MUC15: variants seen among roughly 807,000 people sequenced by gnomAD.
MUC15 encodes the protein mucin-15.
MUC15 carries 23 observed loss-of-function variants against 24.0 expected under a neutral mutation model. That is an observed-to-expected ratio of 0.96 (90% CI 0.69 to 1.36). MUC15 has a LOEUF of 1.36. Among genes scored for constraint, MUC15 ranks in the 40% most tolerant of loss-of-function variants. The pLI is 0.00. For synonymous variants in MUC15, 151 were observed against 156.3 expected (o/e 0.97, Z 0.25); for missense variants, 442 against 428.2 (o/e 1.03, Z -0.29).
chr11:26,559,825 G>A lies in MUC15; in HGVS notation c.*1240C>T, dbSNP rs1173121605. The stretch of plus-strand genomic sequence containing the variant: ...TTTCTATCCCTTATTTTCTGAAGCT[G>A]TTTCTGTGTTACACACACACACACA... On this transcript the variant is annotated 3_prime_UTR_variant, in exon 5 of 5. Coordinates refer to ENST00000529533, the MANE Select transcript of MUC15 (RefSeq NM_001135091.2). 3.4e-6 allele frequency: 4 copies of A among 1,174,656 alleles called. No homozygotes were observed. In the African/African-American group the frequency reaches 6.6e-5, roughly 19 times the overall value. 72.8% of individuals were successfully genotyped at this position (1,174,656 alleles called of 1,614,324 possible).
In MUC15 at chr11:26,561,213, T is replaced by A; in HGVS notation, c.938A>T (p.Asp313Val). 9 of 1,604,420 alleles carry A rather than the reference T, an allele frequency of 5.6e-6. No individual in the cohort carries two copies. Among genetic ancestry groups the A allele is most frequent in the Non-Finnish European group, 7.7e-6 (9 of 1,175,680 alleles). ...CACATCATAAGGTTCCGGTGCATTG[T>A]CTAATCGCAGAACTAAAAAAGTAAC... The part of the protein sequence containing the change: ...DDRNEPVLRL[D>V]NAPEPYDVSF... The change falls in exon 5 of 5, where the codon GAC becomes GTC. Residue 313 changes from aspartate to valine, a missense_variant. Asp to Val is a radical substitution (Grantham distance 152). Transcript: ENST00000529533.
At chr11:26,564,438 AATTTCAAGGGGGGAAAATAC>A (rs1373679264) in intron 3 of MUC15, among the ~76,000 whole-genome samples, 1 of 150,608 alleles carries the variant, frequency 6.6e-6, no homozygotes, top group African/African-American at 2.4e-5. Flanking sequence ...TTATTAAAAA[AATTTCAAGGGGGGAAAATAC>A]ATTAGACCTC....
intron 1 of MUC15, 41 bp from the exon 2 acceptor site, chr11:26,567,180 G>T: frequency 3.2e-6 from 4 of 1,246,948 alleles, no homozygotes; most frequent in South Asian, 2.7e-5. Flanking sequence ...CAAGTCAACT[G>T]ACTCCAATCT....
rs1368046438 is a variant in MUC15 at position 26,560,095 on chromosome 11, A to G, written c.*970T>C. ...GAATCCAAATTAATCTTCTTATATT[A>G]TTGATTATGAAACTGATGCTCAGTA... On this transcript the variant is annotated 3_prime_UTR_variant, in exon 5 of 5. Transcript: ENST00000529533. 8.3e-6 allele frequency: 2 copies of G among 241,086 alleles called. No individual in the cohort carries two copies. Among genetic ancestry groups the G allele is most frequent in the Non-Finnish European group, 1.6e-5 (2 of 125,524 alleles). The allele number at this position is 241,086 out of a possible 1,614,324, so 14.9% of individuals were successfully genotyped here. A position where few individuals can be genotyped will look rare whatever the true frequency, so the allele number is the denominator to read the frequency against.
chr11:26,564,933 C>G (rs944406542), intron 3 of MUC15, among the ~76,000 whole-genome samples: 1 of 150,302 alleles, frequency 6.7e-6, no homozygotes, highest in African/African-American at 2.4e-5. Context: ...ACATTTTGTC[C>G]CATTGTCTCC....
chr11:26,568,472 G>GTT (rs35237782), intron 1 of MUC15, among the ~76,000 whole-genome samples: 5,068 of 150,450 alleles, frequency 0.034, 131 homozygotes, highest in Non-Finnish European at 0.054. Context: ...TCCTACCATA[G>GTT]TTTTTTTTTT....
intron 1 of MUC15, among the ~76,000 whole-genome samples, chr11:26,567,546 A>C (rs937729812): frequency 1.3e-5 from 2 of 152,012 alleles, no homozygotes; most frequent in African/African-American, 4.8e-5. Flanking sequence ...CATGTGGTAC[A>C]ACGTAAATAT....
rs1850558163 is a variant in MUC15 at position 26,565,857 on chromosome 11, A to G, written c.83T>C (p.Met28Thr). ...CAACAGAATTTTGGCTAAGGCCAAC[A>G]TTGTAGGCTTCTTTGGTATTGGTTT... is the stretch of plus-strand genomic sequence containing the variant. The part of the protein sequence containing the change: ...KKKPIPKKPT[M>T]LALAKILLIS... Residue 28 changes from methionine (M) to threonine (T), a missense_variant, in exon 3 of 5, where the codon ATG becomes ACG. Physicochemically the swap from Met to Thr is moderately conservative, Grantham distance 81. Coordinates refer to ENST00000529533, the MANE Select transcript of MUC15 (RefSeq NM_001135091.2). 1 of 1,600,926 alleles carries G rather than the reference A, an allele frequency of 6.2e-7. No homozygotes were observed. Among genetic ancestry groups the G allele is most frequent in the Non-Finnish European group, 8.5e-7 (1 of 1,176,368 alleles).
chr11:26,562,614 T>A (rs1850336916), intron 4 of MUC15, among the ~76,000 whole-genome samples: 1 of 151,952 alleles, frequency 6.6e-6, no homozygotes, highest in South Asian at 2.1e-4. Flanking sequence ...ACAATGTGAC[T>A]GTGTGTGCAA....
At position 26,565,152 on chromosome 11, in the gene MUC15, C is replaced by A. The variant is rs145156749; in HGVS notation, c.775+13G>T. The A allele has an allele frequency of 9.5e-5, 141 of 1,491,668 alleles. No homozygotes were observed. The African/African-American group carries it at 1.8e-3, about 19-fold the overall frequency. The allele number at this position is 1,491,668 out of a possible 1,614,324, so 92.4% of individuals were successfully genotyped here. Reference sequence around the variant, plus strand: ...TTTCACACAAAAGGAAAGTTAAAATCATTTATATTTACCTTTTTGGGGATC... The same window carrying A: ...TTTCACACAAAAGGAAAGTTAAAATAATTTATATTTACCTTTTTGGGGATC... On this transcript the variant is annotated intron_variant, in intron 3 of 4. Transcript: ENST00000529533.
At chr11:26,567,701 TTAAAAA>T (rs1183693229) in intron 1 of MUC15, among the ~76,000 whole-genome samples, 1 of 152,016 alleles carries the variant, frequency 6.6e-6, no homozygotes, top group East Asian at 1.9e-4. Flanking sequence ...AAAAATCTAC[TTAAAAA>T]TAAAAGCTGG....
chr11:26,559,851 C>CAT lies in MUC15; in HGVS notation c.*1213_*1214insAT, dbSNP rs138818641. The stretch of plus-strand genomic sequence containing the variant: ...TTTCTGTGTTACACACACACACACA[C>CAT]ACACACACACACACACACACACACC... On this transcript the variant is annotated 3_prime_UTR_variant, in exon 5 of 5. Transcript: ENST00000529533. The CAT allele has an allele frequency of 0.061, 52,918 of 863,900 alleles. 1,408 individuals carry two copies. Among genetic ancestry groups the CAT allele is most frequent in the African/African-American group, 0.16 (9,753 of 59,150 alleles). 53.5% of individuals were successfully genotyped at this position (863,900 alleles called of 1,614,324 possible). A position where few individuals can be genotyped will look rare whatever the true frequency, so the allele number is the denominator to read the frequency against.
intron 1 of MUC15, among the ~76,000 whole-genome samples, chr11:26,567,352 A>G (rs954729977): frequency 6.6e-6 from 1 of 151,838 alleles, no homozygotes; most frequent in Non-Finnish European, 1.5e-5. Flanking sequence ...AGGAAAAGGG[A>G]GGAGGTACAA....
In MUC15 at chr11:26,560,072, A is replaced by G. The variant is rs1277841667; in HGVS notation, c.*993T>C. On this transcript the variant is annotated 3_prime_UTR_variant, in exon 5 of 5. Coordinates refer to ENST00000529533, the MANE Select transcript of MUC15 (RefSeq NM_001135091.2). ...TAAAAACAAACTGAAACATACTAGA[A>G]TCCAAATTAATCTTCTTATATTATT... is the stretch of plus-strand genomic sequence containing the variant. 3 of 286,942 alleles carry G rather than the reference A, an allele frequency of 1.0e-5. No individual in the cohort carries two copies. The highest frequency in any genetic ancestry group is 1.9e-5 in the Non-Finnish European group (3 of 154,696). 17.8% of individuals were successfully genotyped at this position (286,942 alleles called of 1,614,324 possible).
intron 3 of MUC15, 55 bp from the exon 4 acceptor site, chr11:26,563,320 C>A: frequency 6.6e-7 from 1 of 1,513,960 alleles, no homozygotes; most frequent in South Asian, 1.3e-5. Context: ...AAGAACCGAA[C>A]TCTATGCATG....
chr11:26,565,827 G>A lies in MUC15; in HGVS notation c.113C>T (p.Ser38Leu), dbSNP rs752254987. ...CGATAGAAGTGAATAAAACAACGTT[G>A]AAATCAACAGAATTTTGGCTAAGGC... ...MLALAKILLI[S>L]TLFYSLLSGS... Residue 38 changes from serine to leucine, a missense_variant, in exon 3 of 5, where the codon TCA becomes TTA. By Grantham distance (145) the Ser-to-Leu change is moderately radical (BLOSUM62 -2). Transcript: ENST00000529533. The A allele has an allele frequency of 6.2e-7, 1 of 1,612,606 alleles. No homozygotes were observed. Among genetic ancestry groups the A allele is most frequent in the South Asian group, 1.1e-5 (1 of 90,938 alleles).
intron 1 of MUC15, among the ~76,000 whole-genome samples, chr11:26,567,557 A>T (rs1451260251): frequency 1.3e-5 from 2 of 151,996 alleles, no homozygotes; most frequent in Admixed American, 1.3e-4. Flanking sequence ...ACGTAAATAT[A>T]TCTATAATAT....
chr11:26,571,016 A>G (rs1850802673), intron 1 of MUC15, among the ~76,000 whole-genome samples: 1 of 152,042 alleles, frequency 6.6e-6, no homozygotes, highest in South Asian at 2.1e-4. Flanking sequence ...TTCTTTCAAG[A>G]AAAAAACAAA....
rs1850217815 is a variant in MUC15 at position 26,559,870 on chromosome 11, ACACAC to A, written c.*1190_*1194del. 5.0e-6 allele frequency: 4 copies of A among 807,478 alleles called. No individual in the cohort carries two copies. The East Asian group carries it at 1.1e-4, about 22-fold the overall frequency. The allele number at this position is 807,478 out of a possible 1,614,324, so 50.0% of individuals were successfully genotyped here. ...CACACACACACACACACACACACAC[ACACAC>A]CATGAATCAATTCAAAAATAAAGCC... is the stretch of plus-strand genomic sequence containing the variant. On this transcript the variant is annotated 3_prime_UTR_variant, in exon 5 of 5. Coordinates refer to ENST00000529533, the MANE Select transcript of MUC15 (RefSeq NM_001135091.2).
Sources: allele counts gnomAD v4.1 joint callset (sites outside exome capture counted in the v4.1 genomes callset), GRCh38; gene constraint gnomAD v4.1.1; transcripts MANE v1.5; gene names NCBI Gene and HGNC (gene_info 2026-07-23, HGNC 2026-07-21).